The following NBEAL1 variants were observed in gnomAD, a reference collection of about 807,000 sequenced individuals.
NBEAL1 encodes neurobeachin-like protein 1.
NBEAL1 carries 273 observed loss-of-function variants against 351.3 expected under a neutral mutation model. That is an observed-to-expected ratio of 0.78 (90% CI 0.70 to 0.86). The LOEUF (loss-of-function observed/expected upper bound fraction) is 0.86, where lower values mean the gene tolerates loss of function less well. NBEAL1 is among the 40% of genes least tolerant of loss of function. The probability of loss-of-function intolerance (pLI) is 0.00; values close to 1 mark genes in which losing one functional copy is unlikely to be tolerated. For missense variants in NBEAL1, 2,961 were observed against 3,201.3 expected, an observed-to-expected ratio of 0.92 and a Z score of 1.81; for synonymous variants, 1,050 against 1,086.4, an observed-to-expected ratio of 0.97 and a Z score of 0.66.
In NBEAL1 at chr2:203,127,928, A is replaced by G; in HGVS notation, c.3396A>G (p.Glu1132=). ...TGGGGTACATAGCTGCTACTAATGA[A>G]GAAGAACAGGTATTATGCCTAAGAT... The part of the protein sequence containing the change: ...SIMGYIAATN[E]EEQLFGILDV... Residue 1132 remains glutamate (E), a synonymous_variant, in exon 24 of 56, where the codon GAA becomes GAG. Coordinates refer to ENST00000683969, the MANE Select transcript of NBEAL1 (RefSeq NM_001378026.1). 6.5e-7 allele frequency: 1 copy of G among 1,549,246 alleles called. No individual in the cohort carries two copies. The highest frequency in any genetic ancestry group is 8.7e-7 in the Non-Finnish European group (1 of 1,144,976).
chr2:203,123,042 TA>T (rs1248487337), intron 19 of NBEAL1, among the ~76,000 whole-genome samples: 1 of 150,652 alleles, frequency 6.6e-6, no homozygotes, highest in Admixed American at 6.6e-5. Context: ...TAACCTAAGT[TA>T]AATAAAAGAA....
In NBEAL1 at chr2:203,107,832, C is replaced by T; in HGVS notation, c.1593C>T (p.Ser531=). Residue 531 remains serine (S), a synonymous_variant, in exon 14 of 56, where the codon TCC becomes TCT. Coordinates refer to ENST00000683969, the MANE Select transcript of NBEAL1 (RefSeq NM_001378026.1). ...RIIETLDLHS[S]LHQTCAENLI... Reference sequence around the variant, plus strand: ...TTGAAACCCTTGACTTGCATTCTTCCCTCCATCAAACTTGTGCTGAGAACT... The same window carrying T: ...TTGAAACCCTTGACTTGCATTCTTCTCTCCATCAAACTTGTGCTGAGAACT... 2 of 1,554,496 alleles carry T rather than the reference C, an allele frequency of 1.3e-6. No individual in the cohort carries two copies. Among genetic ancestry groups the T allele is most frequent in the Non-Finnish European group, 1.7e-6 (2 of 1,147,758 alleles).
At chr2:203,053,628 T>G (rs1158300270) in intron 4 of NBEAL1, among the ~76,000 whole-genome samples, 1 of 151,980 alleles carries the variant, frequency 6.6e-6, no homozygotes, top group East Asian at 1.9e-4. Flanking sequence ...CCTTCTTCAG[T>G]TCCCCCCACC....
In NBEAL1 at chr2:203,083,544, C is replaced by T; in HGVS notation, c.991+19C>T. ...ATGCTGAGTAAGTATTACATAATGA[C>T]AACTTTTTCTGAGTCTGTTTTTTAT... On this transcript the variant is annotated intron_variant, in intron 9 of 55. Transcript: ENST00000683969. 1 of 1,480,228 alleles carries T rather than the reference C, an allele frequency of 6.8e-7. No homozygotes were observed. The allele number at this position is 1,480,228 out of a possible 1,614,324, so 91.7% of individuals were successfully genotyped here.
intron 25 of NBEAL1, among the ~76,000 whole-genome samples, chr2:203,130,935 A>ATAGATATCTATATAGATATC (rs2063058038): frequency 6.6e-6 from 1 of 152,222 alleles, no homozygotes; most frequent in South Asian, 2.1e-4. Context: ...TCAGTAACTT[A>ATAGATATCTATATAGATATC]TAAAATAAAT....
At chr2:203,027,190 C>T (rs2060873081) in intron 2 of NBEAL1, among the ~76,000 whole-genome samples, 1 of 152,124 alleles carries the variant, frequency 6.6e-6, no homozygotes, top group Non-Finnish European at 1.5e-5. Flanking sequence ...AGAATTCAGG[C>T]AAGGGTTAGT....
chr2:203,202,896 A>G lies in NBEAL1; in HGVS notation c.7506+115A>G, dbSNP rs2065441257. On this transcript the variant is annotated intron_variant, in intron 51 of 55. Transcript: ENST00000683969. Reference sequence around the variant, plus strand: ...TCTGGCAGTGACTGAGCTCCTTTGTATTCTTTTTACCCACATTTTGTCCTG... The same window carrying G: ...TCTGGCAGTGACTGAGCTCCTTTGTGTTCTTTTTACCCACATTTTGTCCTG... 12 of 648,434 alleles carry G rather than the reference A, an allele frequency of 1.9e-5. No individual in the cohort carries two copies. In the East Asian group the frequency reaches 3.1e-4, roughly 17 times the overall value. The allele number at this position is 648,434 out of a possible 1,614,324, so 40.2% of individuals were successfully genotyped here.
chr2:203,059,308 A>C (rs181274505), intron 6 of NBEAL1, among the ~76,000 whole-genome samples: 6 of 152,344 alleles, frequency 3.9e-5, no homozygotes, highest in African/African-American at 1.2e-4. Flanking sequence ...GACAGGAGGA[A>C]TAAATTATGC....
At chr2:203,027,362 A>G (rs2060875223) in intron 2 of NBEAL1, among the ~76,000 whole-genome samples, 1 of 152,216 alleles carries the variant, frequency 6.6e-6, no homozygotes. Context: ...AGCCATATCT[A>G]AGAGATATCA....
intron 36 of NBEAL1, among the ~76,000 whole-genome samples, chr2:203,159,326 A>G (rs1350295764): frequency 6.6e-6 from 1 of 151,992 alleles, no homozygotes; most frequent in African/African-American, 2.4e-5. Context: ...CAGAACATTT[A>G]TGTCACCCCA....
chr2:203,174,755 G>C (rs1470461153), intron 41 of NBEAL1, among the ~76,000 whole-genome samples: 2 of 151,942 alleles, frequency 1.3e-5, no homozygotes, highest in Non-Finnish European at 2.9e-5. Context: ...GCTGGGCGTG[G>C]TGGCAGGCAC....
chr2:203,178,244 A>G (rs2064583683), intron 42 of NBEAL1, among the ~76,000 whole-genome samples: 1 of 149,062 alleles, frequency 6.7e-6, no homozygotes, highest in Admixed American at 6.8e-5. Flanking sequence ...CGCTCACTGC[A>G]ACCTCCATCT....
chr2:203,146,240 A>G (rs1277203953), intron 33 of NBEAL1, among the ~76,000 whole-genome samples: 1 of 152,162 alleles, frequency 6.6e-6, no homozygotes, highest in East Asian at 1.9e-4. Flanking sequence ...AAGAAATATA[A>G]TTTATAGTTA....
In NBEAL1 at chr2:203,083,208, T is replaced by A; in HGVS notation, c.685-11T>A. On this transcript the variant is annotated splice_polypyrimidine_tract_variant and intron_variant, in intron 8 of 55. Coordinates refer to ENST00000683969, the MANE Select transcript of NBEAL1 (RefSeq NM_001378026.1). ...GTTTAGGTTTCATTTTTATTGTCTCTAATGTTTCAGAGGAATGCTTTGCAA... is the reference window on the plus strand; with the variant it reads ...GTTTAGGTTTCATTTTTATTGTCTCAAATGTTTCAGAGGAATGCTTTGCAA... 6.5e-7 allele frequency: 1 copy of A among 1,545,668 alleles called. No individual in the cohort carries two copies. Among genetic ancestry groups the A allele is most frequent in the African/African-American group, 1.4e-5 (1 of 73,004 alleles).
chr2:203,048,218 C>T (rs569272006), intron 3 of NBEAL1, among the ~76,000 whole-genome samples: 11 of 151,492 alleles, frequency 7.3e-5, no homozygotes, highest in Non-Finnish European at 1.0e-4. Context: ...CCCGTCTCTA[C>T]GAAAAATACA....
intron 6 of NBEAL1, among the ~76,000 whole-genome samples, chr2:203,058,826 A>G (rs914240351): frequency 6.6e-6 from 1 of 152,198 alleles, no homozygotes; most frequent in Non-Finnish European, 1.5e-5. Flanking sequence ...GAGAGAATAT[A>G]GAAGGGTGGG....
intron 19 of NBEAL1, 80 bp downstream of exon 19, chr2:203,122,423 GC>G: frequency 1.2e-6 from 1 of 845,532 alleles, no homozygotes; most frequent in Non-Finnish European, 1.9e-6. Context: ...TTAAAGCACT[GC>G]CAGATTGATC....
chr2:203,201,102 GTGT>G (rs953882548), intron 49 of NBEAL1, among the ~76,000 whole-genome samples: 3 of 152,186 alleles, frequency 2.0e-5, no homozygotes, highest in Non-Finnish European at 2.9e-5. Context: ...GTCATCATAA[GTGT>G]TGTTAGATAC....
At chr2:203,035,153 G>T (rs1479878921) in intron 2 of NBEAL1, among the ~76,000 whole-genome samples, 1 of 149,156 alleles carries the variant, frequency 6.7e-6, no homozygotes, top group Non-Finnish European at 1.5e-5. Context: ...CAAAAGGTTA[G>T]TGGGTGTTAT....
Sources: gnomAD v4.1 joint callset for allele counts (sites outside exome capture counted in the v4.1 genomes callset) on GRCh38, gnomAD v4.1.1 for gene constraint, MANE v1.5 for transcripts, NCBI Gene and HGNC (gene_info 2026-07-23, HGNC 2026-07-21) for gene names.